Variants in CATSPERB observed in about 807,000 individuals in gnomAD.
CATSPERB encodes cation channel sperm-associated auxiliary subunit beta.
CATSPERB carries 93 observed loss-of-function variants against 128.3 expected under a neutral mutation model. The observed-to-expected ratio is 0.72, with a 90% CI of 0.61 to 0.86. The LOEUF (loss-of-function observed/expected upper bound fraction) is 0.86, where lower values mean the gene tolerates loss of function less well. CATSPERB is among the 40% of genes least tolerant of loss of function. The pLI, the probability that CATSPERB is intolerant of heterozygous loss-of-function variation, is 0.00. For synonymous variants in CATSPERB, 381 were observed against 448.8 expected (o/e 0.85, Z 1.91); for missense variants, 1,153 against 1,329.5 (o/e 0.87, Z 2.06).
rs533606027 is a variant in CATSPERB, at chr14:91,647,727, A to G, written c.1433-8477T>C. Among the ~76,000 whole-genome samples the G allele has an allele frequency of 2.0e-5, 3 of 152,302 alleles. No individual in the cohort carries two copies. The East Asian group carries it at 5.8e-4, about 29-fold the overall frequency. ...AACAGCACGGGAAAGGCCTGCCCCC[A>G]TGATTAAATTACCTCCTACCAGGTA... On this transcript the variant is annotated intron_variant, in intron 15 of 26. Coordinates refer to ENST00000256343, the MANE Select transcript of CATSPERB (RefSeq NM_024764.4).
intron 19 of CATSPERB, among the ~76,000 whole-genome samples, chr14:91,619,090 G>A (rs1893995964): frequency 6.6e-6 from 1 of 152,162 alleles, no homozygotes. Flanking sequence ...ATATTTTAAA[G>A]GGAAAATAAT....
Position 91,700,934 on chromosome 14 carries a change from C to A in CATSPERB, c.616+3618G>T, listed in dbSNP as rs11844849. 9.4e-3 allele frequency among the ~76,000 whole-genome samples: 1,426 copies of A among 152,204 alleles called. 21 individuals are homozygous for A. The highest frequency in any genetic ancestry group is 0.032 in the African/African-American group (1,329 of 41,518). On this transcript the variant is annotated intron_variant, in intron 7 of 26. Transcript: ENST00000256343. ...AGCATCACACAATATACCCATGTAA[C>A]AAACCTGCACATGTACCTCCCCTCA...
intron 22 of CATSPERB, among the ~76,000 whole-genome samples, chr14:91,604,156 G>A (rs187112843): frequency 6.6e-6 from 1 of 152,192 alleles, no homozygotes; most frequent in African/African-American, 2.4e-5. Context: ...AGCCTCCTGA[G>A]TAGCTGGGAC....
intron 4 of CATSPERB, among the ~76,000 whole-genome samples, chr14:91,721,465 A>T (rs1051510499): frequency 3.3e-5 from 5 of 152,378 alleles, no homozygotes; most frequent in Admixed American, 3.3e-4. Flanking sequence ...AGTACATGAA[A>T]AGATACTCAA....
chr14:91,676,340 C>G (rs55739434), intron 11 of CATSPERB, among the ~76,000 whole-genome samples: 1 of 152,084 alleles, frequency 6.6e-6, no homozygotes, highest in Non-Finnish European at 1.5e-5. Flanking sequence ...ATATAGGCTG[C>G]TCCTCTGCTC....
chr14:91,703,926 T>G (rs942904964), intron 7 of CATSPERB, among the ~76,000 whole-genome samples: 5 of 152,156 alleles, frequency 3.3e-5, no homozygotes, highest in African/African-American at 1.2e-4. Flanking sequence ...GTGACCGGCA[T>G]TTGAATTGGG....
At chr14:91,603,383 C>T in intron 22 of CATSPERB, 1 of 1,609,820 alleles carries the variant, frequency 6.2e-7, no homozygotes. Flanking sequence ...ATCCAACAGC[C>T]TCAATATTAA....
rs573149996 is a variant in CATSPERB, at chr14:91,584,060, T to A, written c.3133-2953A>T. Among the ~76,000 whole-genome samples the A allele has an allele frequency of 7.2e-5, 11 of 152,062 alleles. No homozygotes were observed. In the South Asian group the frequency reaches 2.3e-3, roughly 32 times the overall value. Reference sequence around the variant, plus strand: ...ACCAGGTCTGGCTATTTCAGGGTACTTTCTTTTTTTTCCTTTTTTTTTGAG... The same window carrying A: ...ACCAGGTCTGGCTATTTCAGGGTACATTCTTTTTTTTCCTTTTTTTTTGAG... On this transcript the variant is annotated intron_variant, in intron 26 of 26. Coordinates refer to ENST00000256343, the MANE Select transcript of CATSPERB (RefSeq NM_024764.4).
intron 15 of CATSPERB, among the ~76,000 whole-genome samples, chr14:91,653,724 C>T (rs1712045383): frequency 6.6e-6 from 1 of 152,198 alleles, no homozygotes. Flanking sequence ...CCCTGGGTCC[C>T]TCCCACATGT....
intron 17 of CATSPERB, chr14:91,636,208 C>T (rs749838586): frequency 1.2e-4 from 55 of 472,038 alleles, no homozygotes; most frequent in Non-Finnish European, 2.0e-4. Flanking sequence ...ACAAAAAATA[C>T]AAAACTTAGC....
chr14:91,659,693 TC>T, intron 15 of CATSPERB, 143 bp downstream of exon 15: 2 of 704,074 alleles, frequency 2.8e-6, no homozygotes, highest in Non-Finnish European at 4.5e-6. Context: ...ATCCATAGGA[TC>T]CTACTTCTGT....
intron 5 of CATSPERB, among the ~76,000 whole-genome samples, chr14:91,710,920 C>T (rs531245164): frequency 1.3e-5 from 2 of 152,298 alleles, no homozygotes; most frequent in South Asian, 2.1e-4. Flanking sequence ...TCATAACCTC[C>T]ACCTCATTAT....
chr14:91,585,010 T>C (rs75195558), intron 26 of CATSPERB, among the ~76,000 whole-genome samples: 1 of 116,066 alleles, frequency 8.6e-6, no homozygotes, highest in African/African-American at 2.9e-5. Flanking sequence ...TCTTCTTCTT[T>C]TTATTTTTAT....
rs928422661 is a variant in CATSPERB, at chr14:91,719,828, G to A, written c.310-350C>T. Among the ~76,000 whole-genome samples the A allele has an allele frequency of 2.6e-5, 4 of 152,272 alleles. No individual in the cohort carries two copies. In the East Asian group the frequency reaches 7.7e-4, roughly 29 times the overall value. On this transcript the variant is annotated intron_variant, in intron 4 of 26. Transcript: ENST00000256343. ...CATGTCAGAGACAGAGCTTGAGGTT[G>A]ACAGAGCATTTGGGATATTAAGAGG...
chr14:91,715,704 T>C (rs1393994281), intron 5 of CATSPERB, among the ~76,000 whole-genome samples: 1 of 151,944 alleles, frequency 6.6e-6, no homozygotes, highest in East Asian at 1.9e-4. Context: ...AGAACTATAA[T>C]AACCAAAACA....
chr14:91,584,113 G>T (rs972427588), intron 26 of CATSPERB, among the ~76,000 whole-genome samples: 1 of 151,904 alleles, frequency 6.6e-6, no homozygotes, highest in Non-Finnish European at 1.5e-5. Flanking sequence ...CGCCCAGGCT[G>T]GATGAAGTGC....
intron 4 of CATSPERB, 34 bp from the exon 5 acceptor site, chr14:91,719,512 T>C: frequency 6.5e-7 from 1 of 1,536,818 alleles, no homozygotes; most frequent in Non-Finnish European, 9.0e-7. Flanking sequence ...AACAATGTTT[T>C]ACAACATGAA....
At chr14:91,632,979 T>C (rs779542803) in intron 17 of CATSPERB, among the ~76,000 whole-genome samples, 4 of 152,156 alleles carry the variant, frequency 2.6e-5, no homozygotes, top group Non-Finnish European at 5.9e-5. Context: ...AAGAGAAATT[T>C]GTACAAACAG....
intron 5 of CATSPERB, among the ~76,000 whole-genome samples, chr14:91,714,072 A>G (rs1175673365): frequency 6.6e-6 from 1 of 152,160 alleles, no homozygotes; most frequent in East Asian, 1.9e-4. Flanking sequence ...ATCTCAATAG[A>G]TGCAAAAAAT....
Sources: allele counts gnomAD v4.1 joint callset (sites outside exome capture counted in the v4.1 genomes callset), GRCh38; gene constraint gnomAD v4.1.1; transcripts MANE v1.5; gene names NCBI Gene and HGNC (gene_info 2026-07-23, HGNC 2026-07-21).